WDR4: variants seen among roughly 807,000 people sequenced by gnomAD.
WDR4 encodes the protein WDR4 tRNA N7-guanosine methyltransferase non-catalytic subunit.
In WDR4, 47 loss-of-function variants were observed where a neutral mutation model predicts 48.6. The ratio of observed to expected loss-of-function variants is 0.97; its 90% CI spans 0.77 to 1.23. The LOEUF (loss-of-function observed/expected upper bound fraction) is 1.23, where lower values mean the gene tolerates loss of function less well. Ranked by LOEUF, WDR4 falls within the 50% of genes most tolerant of loss-of-function variation. The probability of loss-of-function intolerance (pLI) is 0.00; values close to 1 mark genes in which losing one functional copy is unlikely to be tolerated. For missense variants in WDR4, 606 were observed against 551.6 expected, an observed-to-expected ratio of 1.10 and a Z score of -0.99; for synonymous variants, 268 against 230.0, an observed-to-expected ratio of 1.17 and a Z score of -1.49.
chr21:42,869,259 G>A (rs779066402), intron 3 of WDR4, among the ~76,000 whole-genome samples: 5 of 152,154 alleles, frequency 3.3e-5, no homozygotes, highest in Non-Finnish European at 7.3e-5. Flanking sequence ...AGAGGACACC[G>A]AACTGTACTC....
At chr21:42,863,389 T>C (rs1294896195) in intron 4 of WDR4, 51 bp downstream of exon 4, 3 of 1,576,932 alleles carry the variant, frequency 1.9e-6, no homozygotes, top group African/African-American at 2.7e-5. Context: ...GTCCCCCATG[T>C]ACCGTGTCCC....
At chr21:42,882,659 A>G (rs35353588), upstream of WDR4, among the ~76,000 whole-genome samples, 11,543 of 152,102 alleles carry the variant, frequency 0.076, 509 homozygotes, top group East Asian at 0.15. Flanking sequence ...TTCCATTAGC[A>G]CAATAGAAAA....
chr21:42,879,310 G>A, intron 1 of WDR4, 97 bp downstream of exon 1: 4 of 1,541,276 alleles, frequency 2.6e-6, no homozygotes, highest in Admixed American at 1.8e-5. Flanking sequence ...TCACCCCAGA[G>A]TGGGTGCGAC....
intron 6 of WDR4, 115 bp from the exon 7 acceptor site, chr21:42,855,895 C>G: frequency 1.4e-6 from 1 of 690,680 alleles, no homozygotes; most frequent in Non-Finnish European, 2.3e-6. Context: ...CCATGCCACC[C>G]ACCCTCAGGA....
intron 2 of WDR4, 91 bp downstream of exon 2, chr21:42,876,611 C>A: frequency 8.0e-7 from 1 of 1,243,054 alleles, no homozygotes; most frequent in South Asian, 1.3e-5. Context: ...GCTAAGAATT[C>A]AGCAAGTAGG....
At chr21:42,860,591 G>A (rs1261003783) in intron 5 of WDR4, among the ~76,000 whole-genome samples, 5 of 152,324 alleles carry the variant, frequency 3.3e-5, no homozygotes, top group African/African-American at 1.2e-4. Context: ...CGTGAGCCGG[G>A]CCCGGTCCCG....
intron 3 of WDR4, among the ~76,000 whole-genome samples, chr21:42,867,973 C>CA (rs2058285715): frequency 6.6e-6 from 1 of 152,166 alleles, no homozygotes; most frequent in South Asian, 2.1e-4. Context: ...CACCTACAAC[C>CA]AAGGATGAAG....
Position 42,862,404 on chromosome 21 carries a change from C to T in WDR4, c.454-10G>A. ...CATCAGGACTCACAGCCTGCATCAC[C>T]AGGGGCCAGAAAAGAAAAAGCCGCT... is the stretch of plus-strand genomic sequence containing the variant. On this transcript the variant is annotated splice_polypyrimidine_tract_variant and intron_variant, in intron 4 of 10. Coordinates refer to ENST00000398208, the MANE Select transcript of WDR4 (RefSeq NM_018669.6). The surrounding 1 kb of genome is among the most constrained non-coding windows in gnomAD (Gnocchi z 4.3). 7 of 1,592,044 alleles carry T rather than the reference C, an allele frequency of 4.4e-6. No individual in the cohort carries two copies. Among genetic ancestry groups the T allele is most frequent in the Non-Finnish European group, 6.0e-6 (7 of 1,168,708 alleles).
intron 6 of WDR4, among the ~76,000 whole-genome samples, chr21:42,856,360 G>T (rs571849884): frequency 6.6e-6 from 1 of 152,152 alleles, no homozygotes; most frequent in East Asian, 1.9e-4. Context: ...GGAAAAAAGC[G>T]TTTCTCTTTT....
chr21:42,868,871 T>C (rs1483625409), intron 3 of WDR4, among the ~76,000 whole-genome samples: 1 of 152,212 alleles, frequency 6.6e-6, no homozygotes, highest in African/African-American at 2.4e-5. Context: ...GCTGTCCCAG[T>C]TGCTCTGGCT....
intron 10 of WDR4, among the ~76,000 whole-genome samples, chr21:42,851,008 T>A (rs2057812819): frequency 6.6e-6 from 1 of 152,114 alleles, no homozygotes; most frequent in Non-Finnish European, 1.5e-5. Context: ...CTCTGCTGCT[T>A]GTGGGACACT....
chr21:42,889,021 T>A, the WDR4 span, among the ~76,000 whole-genome samples: 1 of 146,982 alleles, frequency 6.8e-6, no homozygotes, highest in Non-Finnish European at 1.5e-5. Flanking sequence ...TTATCTTTGA[T>A]TGCATCTGAT....
chr21:42,879,613 A>C, upstream of WDR4: 7 of 1,281,918 alleles, frequency 5.5e-6, no homozygotes, highest in Non-Finnish European at 7.6e-6. Flanking sequence ...CGTACCGCGC[A>C]TGCTCAAGGA....
upstream of WDR4, among the ~76,000 whole-genome samples, chr21:42,880,534 A>G (rs1029429596): frequency 6.6e-5 from 10 of 152,344 alleles, 1 homozygote; most frequent in South Asian, 1.7e-3. Flanking sequence ...AGGAGGAGAC[A>G]CAGTAATCAC....
intron 7 of WDR4, 30 bp from the exon 8 acceptor site, chr21:42,854,656 C>T (rs376553203): frequency 4.3e-5 from 69 of 1,608,072 alleles, no homozygotes; most frequent in East Asian, 2.0e-4. Context: ...ATTAACTTCA[C>T]GCCACCTGCA....
the WDR4 span, among the ~76,000 whole-genome samples, chr21:42,886,058 GC>G: frequency 6.6e-6 from 1 of 151,756 alleles, no homozygotes; most frequent in South Asian, 2.1e-4. Context: ...CTGGGTTCAG[GC>G]GATTCTCCTG....
chr21:42,853,685 C>CACCAAGTTGGTGTA lies in WDR4; in HGVS notation c.858_859insTACACCAACTTGGT (p.Ala287TyrfsTer52). The CACCAAGTTGGTGTA allele has an allele frequency of 6.3e-7, 1 of 1,580,118 alleles. No individual in the cohort carries two copies. Among genetic ancestry groups the CACCAAGTTGGTGTA allele is most frequent in the Non-Finnish European group, 8.6e-7 (1 of 1,163,620 alleles). Reference sequence around the variant, plus strand: ...ACGTCCCACACTTGGTGCTGGAACGCCAGCTGCTGCCTGTACACCAACTGC... The same window carrying CACCAAGTTGGTGTA: ...ACGTCCCACACTTGGTGCTGGAACGCACCAAGTTGGTGTACAGCTGCTGCCTGTACACCAACTGC... On this transcript the variant is annotated frameshift_variant, in exon 9 of 11. Transcript: ENST00000398208. LOFTEE classifies it high-confidence loss of function.
Position 42,879,447 on chromosome 21 carries a change from G to A in WDR4, c.49C>T (p.Arg17Trp). 2 of 1,613,536 alleles carry A rather than the reference G, an allele frequency of 1.2e-6. No homozygotes were observed. Among genetic ancestry groups the A allele is most frequent in the Non-Finnish European group, 1.7e-6 (2 of 1,179,818 alleles). ...GTGGCCAGGAATCGGCTGCCGCCCC[G>A]CACCACCAACGTCTGCCCGCACAAC... ...LALCGQTLVV[R>W]GGSRFLATSI... Residue 17 changes from arginine (R) to tryptophan (W), a missense_variant, in exon 1 of 11, where the codon CGG (arginine) becomes TGG (tryptophan). Coordinates refer to ENST00000398208, the MANE Select transcript of WDR4 (RefSeq NM_018669.6).
intron 3 of WDR4, among the ~76,000 whole-genome samples, chr21:42,869,554 G>A (rs958928239): frequency 2.6e-5 from 4 of 152,122 alleles, no homozygotes; most frequent in Admixed American, 2.6e-4. Context: ...TGTGAGAAAG[G>A]CCATGTTGAG....
Sources: allele counts gnomAD v4.1 joint callset (sites outside exome capture counted in the v4.1 genomes callset), GRCh38; gene constraint gnomAD v4.1.1; non-coding constraint Gnocchi (gnomAD v3.1); transcripts MANE v1.5; gene names NCBI Gene and HGNC (gene_info 2026-07-23, HGNC 2026-07-21).